Variants in FHIT observed in about 807,000 individuals in gnomAD.
FHIT encodes the protein fragile histidine triad diadenosine triphosphatase.
Under a neutral mutation model 17.9 loss-of-function variants are expected in FHIT, and 19 were observed. The observed-to-expected ratio is 1.06, with a 90% CI of 0.74 to 1.56. The LOEUF (loss-of-function observed/expected upper bound fraction) is 1.56, where lower values mean the gene tolerates loss of function less well. FHIT is among the 40% of genes most tolerant of loss of function. The pLI is 0.00. For synonymous variants in FHIT, 81 were observed against 69.7 expected, an observed-to-expected ratio of 1.16 and a Z score of -0.81; for missense variants, 248 against 189.2, an observed-to-expected ratio of 1.31 and a Z score of -1.82.
chr3:60,730,039 G>T, intron 4 of FHIT: 1 of 444,464 alleles, frequency 2.2e-6, no homozygotes, highest in Non-Finnish European at 4.5e-6. Flanking sequence ...GAATCATCAG[G>T]AAGAGGCTTT....
At chr3:60,247,493 A>G (rs1010851080) in intron 5 of FHIT, among the ~76,000 whole-genome samples, 2 of 152,186 alleles carry the variant, frequency 1.3e-5, no homozygotes, top group Non-Finnish European at 1.5e-5. Flanking sequence ...ACATAGATAC[A>G]TATTTTTTAA....
intron 1 of FHIT, among the ~76,000 whole-genome samples, chr3:61,203,473 T>G (rs1266234688): frequency 6.6e-6 from 1 of 152,104 alleles, no homozygotes; most frequent in East Asian, 1.9e-4. Flanking sequence ...GTAGTTTACT[T>G]TTGCCAAAAG....
At chr3:60,120,558 A>G (rs944271514) in intron 5 of FHIT, among the ~76,000 whole-genome samples, 2 of 152,244 alleles carry the variant, frequency 1.3e-5, no homozygotes, top group Non-Finnish European at 2.9e-5. Flanking sequence ...GACAGCAGCG[A>G]GGACTGGAGT....
intron 1 of FHIT, among the ~76,000 whole-genome samples, chr3:61,213,225 G>T (rs1364322303): frequency 6.6e-6 from 1 of 152,212 alleles, no homozygotes; most frequent in African/African-American, 2.4e-5. Context: ...TGGATAAAGA[G>T]TCAAGACCCA....
intron 5 of FHIT, among the ~76,000 whole-genome samples, chr3:60,163,921 T>G (rs1701046871): frequency 6.6e-6 from 1 of 152,182 alleles, no homozygotes; most frequent in African/African-American, 2.4e-5. Context: ...GCACAGGATG[T>G]GCTTCTGTCA....
chr3:59,894,606 G>A (rs747913511), intron 8 of FHIT, among the ~76,000 whole-genome samples: 4 of 152,140 alleles, frequency 2.6e-5, no homozygotes, highest in Non-Finnish European at 5.9e-5. Context: ...TTGAATCAGT[G>A]AACTGGATAG....
At chr3:59,941,073 G>A (rs556245212) in intron 7 of FHIT, among the ~76,000 whole-genome samples, 1 of 152,196 alleles carries the variant, frequency 6.6e-6, no homozygotes, top group African/African-American at 2.4e-5. Flanking sequence ...AAATGAATGA[G>A]TTAAAAAGGA....
intron 4 of FHIT, among the ~76,000 whole-genome samples, chr3:60,805,677 T>C (rs868993595): frequency 1.3e-5 from 2 of 152,106 alleles, no homozygotes; most frequent in African/African-American, 2.4e-5. Context: ...TGCCTTAGCC[T>C]CCCGAGGAGC....
chr3:60,058,148 T>C (rs1410938494), intron 5 of FHIT, among the ~76,000 whole-genome samples: 1 of 138,046 alleles, frequency 7.2e-6, no homozygotes. Context: ...TTTTTTTTTT[T>C]TTTTTTTTTT....
intron 2 of FHIT, among the ~76,000 whole-genome samples, chr3:61,107,985 C>A (rs865911657): frequency 6.6e-6 from 1 of 152,132 alleles, no homozygotes; most frequent in Non-Finnish European, 1.5e-5. Context: ...TCACGATGTA[C>A]GGAAAAACCT....
chr3:60,522,849 T>C (rs924330178), intron 5 of FHIT, among the ~76,000 whole-genome samples: 2 of 152,184 alleles, frequency 1.3e-5, no homozygotes, highest in Non-Finnish European at 2.9e-5. Context: ...GGGCCAACTT[T>C]GTGACCCATC....
chr3:59,907,375 G>A (rs1176822724), intron 8 of FHIT, among the ~76,000 whole-genome samples: 1 of 152,218 alleles, frequency 6.6e-6, no homozygotes. Flanking sequence ...AAAGGGAAGT[G>A]CATCTATTGC....
At chr3:60,526,259 A>G (rs188140054) in intron 5 of FHIT, among the ~76,000 whole-genome samples, 1 of 152,212 alleles carries the variant, frequency 6.6e-6, no homozygotes, top group East Asian at 1.9e-4. Flanking sequence ...ATTAACAGAC[A>G]TGTTTTTTCC....
rs191465351 is a variant in FHIT at position 60,033,324 on chromosome 3, C to T, written c.104-19172G>A. Among the ~76,000 whole-genome samples, 221 of 151,998 alleles carry T rather than the reference C, an allele frequency of 1.5e-3. 1 individual carries two copies. Among genetic ancestry groups the T allele is most frequent in the Middle Eastern group, 6.8e-3 (2 of 294 alleles). On this transcript the variant is annotated intron_variant, in intron 5 of 9. Coordinates refer to ENST00000492590, the MANE Select transcript of FHIT (RefSeq NM_002012.4). Reference sequence around the variant, plus strand: ...AAGCCTGACCAACATGGAGAAACCCCGTCTCTACTAAAAATACAAATCAGC... The same window carrying T: ...AAGCCTGACCAACATGGAGAAACCCTGTCTCTACTAAAAATACAAATCAGC...
intron 5 of FHIT, among the ~76,000 whole-genome samples, chr3:60,098,602 G>T (rs1312314187): frequency 6.6e-6 from 1 of 152,246 alleles, no homozygotes; most frequent in Non-Finnish European, 1.5e-5. Context: ...GTTCATTGCA[G>T]ATTCTGGATA....
intron 4 of FHIT, among the ~76,000 whole-genome samples, chr3:60,559,858 C>T (rs894294733): frequency 5.7e-4 from 87 of 152,276 alleles, no homozygotes; most frequent in African/African-American, 2.1e-3. Flanking sequence ...CAGCTTATTG[C>T]TAAGATGTTG....
chr3:59,869,332 T>C (rs1484381029), intron 8 of FHIT, among the ~76,000 whole-genome samples: 2 of 152,106 alleles, frequency 1.3e-5, no homozygotes, highest in African/African-American at 4.8e-5. Flanking sequence ...CCTGCCCAAA[T>C]TCTGTAACCA....
intron 3 of FHIT, among the ~76,000 whole-genome samples, chr3:60,977,969 A>G (rs530017852): frequency 1.3e-5 from 2 of 152,310 alleles, no homozygotes; most frequent in African/African-American, 4.8e-5. Context: ...CTTGTCAGAA[A>G]TTCCTATTCC....
chr3:60,118,520 A>G (rs917607235), intron 5 of FHIT, among the ~76,000 whole-genome samples: 2 of 151,960 alleles, frequency 1.3e-5, no homozygotes, highest in Non-Finnish European at 2.9e-5. Context: ...GACAGTAGGG[A>G]GGCATAATAC....
Sources: gnomAD v4.1 joint callset for allele counts (sites outside exome capture counted in the v4.1 genomes callset) on GRCh38, gnomAD v4.1.1 for gene constraint, MANE v1.5 for transcripts, NCBI Gene and HGNC (gene_info 2026-07-23, HGNC 2026-07-21) for gene names.